The following ALK variants were observed in gnomAD, a reference collection of about 807,000 sequenced individuals.
ALK encodes the protein ALK tyrosine kinase receptor.
A neutral mutation model predicts 163.1 loss-of-function variants in ALK; 74 were observed. The ratio of observed to expected loss-of-function variants is 0.45; its 90% CI spans 0.38 to 0.55. The LOEUF (loss-of-function observed/expected upper bound fraction) is 0.55. ALK is among the 20% of genes least tolerant of loss of function. The pLI is 0.00. For synonymous variants in ALK, 960 were observed against 843.2 expected, an observed-to-expected ratio of 1.14 and a Z score of -2.40; for missense variants, 2,063 against 2,105.3, an observed-to-expected ratio of 0.98 and a Z score of 0.39.
At chr2:29,461,589 A>G (rs1370050384) in intron 4 of ALK, among the ~76,000 whole-genome samples, 1 of 152,152 alleles carries the variant, frequency 6.6e-6, no homozygotes, top group Non-Finnish European at 1.5e-5. Flanking sequence ...ATCACAATAC[A>G]TGGTTTACTA....
intron 9 of ALK, among the ~76,000 whole-genome samples, chr2:29,278,526 T>C (rs1438443525): frequency 6.6e-6 from 1 of 152,168 alleles, no homozygotes; most frequent in Non-Finnish European, 1.5e-5. Flanking sequence ...GGCAAGGTTA[T>C]AGCCACGATT....
At chr2:29,592,565 T>C (rs1396235937) in intron 3 of ALK, among the ~76,000 whole-genome samples, 1 of 152,218 alleles carries the variant, frequency 6.6e-6, no homozygotes, top group Admixed American at 6.5e-5. Context: ...CCTCACTTCC[T>C]GGCTAGTTTT....
intron 11 of ALK, among the ~76,000 whole-genome samples, chr2:29,258,518 T>C (rs946329349): frequency 1.3e-5 from 2 of 152,266 alleles, no homozygotes; most frequent in Admixed American, 1.3e-4. Flanking sequence ...AAATGCAGAA[T>C]AAATGCTGAA....
At chr2:29,791,508 T>C (rs1016733316) in intron 1 of ALK, among the ~76,000 whole-genome samples, 1 of 152,118 alleles carries the variant, frequency 6.6e-6, no homozygotes, top group Admixed American at 6.5e-5. Context: ...GAGATAGCAT[T>C]AGGATAAATA....
intron 3 of ALK, chr2:29,681,319 C>A (rs1299975090): frequency 2.0e-5 from 3 of 152,134 alleles, no homozygotes; most frequent in African/African-American, 7.2e-5. Context: ...GCCACCATAC[C>A]CAGCTGTTTT....
intron 3 of ALK, among the ~76,000 whole-genome samples, chr2:29,598,490 A>C (rs1267992057): frequency 6.6e-6 from 1 of 152,198 alleles, no homozygotes; most frequent in Non-Finnish European, 1.5e-5. Context: ...TTATCCTAAC[A>C]GTTTTTATTA....
At chr2:29,289,494 G>C (rs1665961600) in intron 9 of ALK, among the ~76,000 whole-genome samples, 1 of 152,164 alleles carries the variant, frequency 6.6e-6, no homozygotes, top group African/African-American at 2.4e-5. Context: ...GCATGTCAAT[G>C]TCCCCAGCCC....
chr2:29,589,982 G>A (rs1675000463), intron 3 of ALK, among the ~76,000 whole-genome samples: 2 of 152,162 alleles, frequency 1.3e-5, no homozygotes, highest in African/African-American at 4.8e-5. Flanking sequence ...CAAGCTCTCT[G>A]TGTGCCAGGG....
chr2:29,464,917 A>C (rs955653488), intron 4 of ALK, among the ~76,000 whole-genome samples: 1 of 152,228 alleles, frequency 6.6e-6, no homozygotes, highest in African/African-American at 2.4e-5. Flanking sequence ...AATGAAGCTC[A>C]GAAAAAAAGA....
intron 3 of ALK, among the ~76,000 whole-genome samples, chr2:29,557,147 G>A (rs950844015): frequency 1.4e-4 from 21 of 152,166 alleles, no homozygotes; most frequent in African/African-American, 5.1e-4. Context: ...CTGACTGATA[G>A]ATGAAAAAAG....
intron 8 of ALK, among the ~76,000 whole-genome samples, chr2:29,303,335 C>G (rs576754820): frequency 6.6e-6 from 1 of 152,066 alleles, no homozygotes; most frequent in Non-Finnish European, 1.5e-5. Context: ...CAATGAGATA[C>G]CATCTCACAC....
chr2:29,724,933 T>C (rs912067849), intron 1 of ALK, among the ~76,000 whole-genome samples: 2 of 152,106 alleles, frequency 1.3e-5, no homozygotes, highest in Non-Finnish European at 2.9e-5. Flanking sequence ...TCCCATAATA[T>C]TCTTTTGTAC....
chr2:29,689,707 A>G (rs1678340963), intron 3 of ALK, among the ~76,000 whole-genome samples: 1 of 152,196 alleles, frequency 6.6e-6, no homozygotes, highest in Non-Finnish European at 1.5e-5. Flanking sequence ...TGTGAAGATG[A>G]ACTTAATTGA....
rs567075888 is a variant in ALK, at chr2:29,404,944, G to A, written c.1155-21085C>T. On this transcript the variant is annotated intron_variant, in intron 4 of 28. Transcript: ENST00000389048. ...AGAATTTCTTGTAGGGGACGAATAT[G>A]GGATTCCATCACCTGATTGCTCAAG... Among the ~76,000 whole-genome samples the A allele has an allele frequency of 1.7e-4, 26 of 152,268 alleles. No homozygotes were observed. In the South Asian group the frequency reaches 4.8e-3, roughly 28 times the overall value.
intron 1 of ALK, among the ~76,000 whole-genome samples, chr2:29,894,768 A>T (rs1201352762): frequency 6.6e-6 from 1 of 151,824 alleles, no homozygotes; most frequent in East Asian, 1.9e-4. Context: ...TTTAATTCTC[A>T]ACTATTTTGC....
chr2:29,606,965 T>C (rs1675558197), intron 3 of ALK, among the ~76,000 whole-genome samples: 1 of 152,244 alleles, frequency 6.6e-6, no homozygotes, highest in African/African-American at 2.4e-5. Context: ...CAAGAAGTCT[T>C]GCAGCCATGC....
In ALK at chr2:29,920,519, C is replaced by G. The variant is rs572351075; in HGVS notation, c.141G>C (p.Ser47=). Residue 47 remains serine (S), a synonymous_variant, in exon 1 of 29, where the codon TCG becomes TCC. Coordinates refer to ENST00000389048, the MANE Select transcript of ALK (RefSeq NM_004304.5). ...CTGCCAGACTCTTCCTCTGCAGGCG[C>G]GAGTAGCTGAGTGGCTCCCGGGGCT... ...PLQPREPLSY[S]RLQRKSLAVD... is the part of the protein sequence containing the mutation. The G allele has an allele frequency of 6.2e-7, 1 of 1,612,240 alleles. No individual in the cohort carries two copies. Among genetic ancestry groups the G allele is most frequent in the Non-Finnish European group, 8.5e-7 (1 of 1,179,536 alleles).
intron 3 of ALK, among the ~76,000 whole-genome samples, chr2:29,560,686 C>T (rs2148182555): frequency 6.6e-6 from 1 of 152,120 alleles, no homozygotes; most frequent in African/African-American, 2.4e-5. Context: ...ATCCTCCCAC[C>T]TCAGCCCGTT....
intron 4 of ALK, among the ~76,000 whole-genome samples, chr2:29,468,033 A>C (rs1671255114): frequency 7.0e-6 from 1 of 143,260 alleles, no homozygotes; most frequent in Admixed American, 7.0e-5. Flanking sequence ...GGTCCTCAAT[A>C]ATTTTTTTTT....
Sources: allele counts gnomAD v4.1 joint callset (sites outside exome capture counted in the v4.1 genomes callset), GRCh38; gene constraint gnomAD v4.1.1; transcripts MANE v1.5; gene names NCBI Gene and HGNC (gene_info 2026-07-23, HGNC 2026-07-21).